Variants in GSE1 observed in about 807,000 individuals in gnomAD.
GSE1 encodes genetic suppressor element 1.
A neutral mutation model predicts 112.6 loss-of-function variants in GSE1; 32 were observed. The observed-to-expected ratio is 0.28, with a 90% confidence interval of 0.21 to 0.38. GSE1 has a LOEUF of 0.38. Among genes scored for constraint, GSE1 ranks in the 10% least tolerant of loss-of-function variants. GSE1 has a pLI of 1.00. For synonymous variants in GSE1, 1,115 were observed against 735.6 expected, an observed-to-expected ratio of 1.52 and a Z score of -8.35; for missense variants, 2,348 against 1,699.2, an observed-to-expected ratio of 1.38 and a Z score of -6.71.
At chr16:85,547,422 C>G (rs566105160) in intron 2 of GSE1, among the ~76,000 whole-genome samples, 46 of 152,368 alleles carry the variant, frequency 3.0e-4, no homozygotes, top group African/African-American at 1.1e-3. Context: ...GTGGCCATAT[C>G]ACGCCAATTT....
At chr16:85,279,899 G>A (rs1434860988) in intron 1 of GSE1, among the ~76,000 whole-genome samples, 2 of 152,190 alleles carry the variant, frequency 1.3e-5, no homozygotes, top group Admixed American at 6.5e-5. Context: ...CTCCGGCGGC[G>A]TCATTAGCCG....
rs1325946532 is a variant in GSE1, at chr16:85,673,370, C to T, written c.*831C>T. The T allele has an allele frequency of 1.3e-5, 2 of 149,296 alleles. No homozygotes were observed. Among genetic ancestry groups the T allele is most frequent in the East Asian group, 3.9e-4 (2 of 5,122 alleles). The allele number at this position is 149,296 out of a possible 1,614,324, so 9.2% of individuals were successfully genotyped here. ...AACAAAGTTTTGTATGTTTTTATTA[C>T]TTTAACTATTGTTATAAAAAGCCTG... On this transcript the variant is annotated 3_prime_UTR_variant, in exon 16 of 16. Coordinates refer to ENST00000253458, the MANE Select transcript of GSE1 (RefSeq NM_014615.5).
intron 2 of GSE1, among the ~76,000 whole-genome samples, chr16:85,374,729 T>C (rs1184358834): frequency 6.6e-6 from 1 of 152,224 alleles, no homozygotes; most frequent in Middle Eastern, 3.4e-3. Flanking sequence ...TTCGAGCTGC[T>C]GGTTTGGTGA....
chr16:85,479,017 CTCCTTCCT>C (rs1211179657), intron 2 of GSE1, among the ~76,000 whole-genome samples: 4 of 106,566 alleles, frequency 3.8e-5, no homozygotes, highest in African/African-American at 1.5e-4. Context: ...CCCTCCCTAC[CTCCTTCCT>C]TCCTTCCTTC....
intron 1 of GSE1, among the ~76,000 whole-genome samples, chr16:85,226,758 G>GGTGT (rs55999145): frequency 0.017 from 1,743 of 104,910 alleles, 33 homozygotes; most frequent in East Asian, 0.034. Flanking sequence ...TGCCTGGACT[G>GGTGT]GTGTGTGTGT....
At chr16:85,546,177 C>T (rs1303783443) in intron 2 of GSE1, among the ~76,000 whole-genome samples, 2 of 152,194 alleles carry the variant, frequency 1.3e-5, no homozygotes, top group Non-Finnish European at 1.5e-5. Context: ...TTCCGCCTCC[C>T]GGGTTCAAGC....
rs924227622 is a variant in GSE1 at position 85,193,517 on chromosome 16, T to C, written c.2283+21710T>C. On this transcript the variant is annotated intron_variant, in intron 1 of 2. Coordinates refer to the GSE1 transcript ENST00000637419. ...CCCTGTCGCCCAGGCTGAAGTGCAG[T>C]GGTGTGACCTCAGCTCACTGCAACC... Among the ~76,000 whole-genome samples, 7 of 152,218 alleles carry C rather than the reference T, an allele frequency of 4.6e-5. No homozygotes were observed. In the East Asian group the frequency reaches 1.4e-3, roughly 29 times the overall value.
chr16:85,445,274 C>T (rs2049480923), intron 2 of GSE1, among the ~76,000 whole-genome samples: 5 of 152,206 alleles, frequency 3.3e-5, no homozygotes, highest in Admixed American at 2.0e-4. Flanking sequence ...CAGGTGTGGC[C>T]GCCACTGCTG....
intron 1 of GSE1, among the ~76,000 whole-genome samples, chr16:85,289,640 G>T (rs554271591): frequency 2.0e-5 from 3 of 152,226 alleles, no homozygotes; most frequent in African/African-American, 7.2e-5. Flanking sequence ...TGGCTTAGGG[G>T]CTTAGGGTAA....
intron 1 of GSE1, among the ~76,000 whole-genome samples, chr16:85,314,172 G>T (rs1045953323): frequency 5.9e-5 from 9 of 152,168 alleles, no homozygotes; most frequent in Non-Finnish European, 1.2e-4. Context: ...CCTCCCCTGA[G>T]GCAGTGCCTC....
chr16:85,413,842 A>G (rs2048641969), intron 2 of GSE1, among the ~76,000 whole-genome samples: 1 of 152,150 alleles, frequency 6.6e-6, no homozygotes, highest in South Asian at 2.1e-4. Flanking sequence ...TGACTAGATC[A>G]TGGGGGTGGT....
intron 2 of GSE1, among the ~76,000 whole-genome samples, chr16:85,428,310 A>C (rs1410895304): frequency 1.3e-5 from 2 of 152,142 alleles, no homozygotes; most frequent in African/African-American, 2.4e-5. Context: ...GAGAGCTGTG[A>C]GGGGCAACGA....
chr16:85,340,874 G>T (rs1331805269), intron 1 of GSE1, among the ~76,000 whole-genome samples: 4 of 152,192 alleles, frequency 2.6e-5, no homozygotes, highest in African/African-American at 9.7e-5. Context: ...TCCCGGCTCT[G>T]CCCAGGCCCC....
chr16:85,645,847 A>G (rs2050811302), intron 2 of GSE1, among the ~76,000 whole-genome samples: 1 of 151,562 alleles, frequency 6.6e-6, no homozygotes, highest in African/African-American at 2.4e-5. Context: ...CTTCCTATGC[A>G]TGCATTCTAC....
At chr16:85,398,389 G>C (rs547710340) in intron 2 of GSE1, among the ~76,000 whole-genome samples, 26 of 152,276 alleles carry the variant, frequency 1.7e-4, no homozygotes, top group Admixed American at 1.6e-3. Context: ...GGAGGTGGAG[G>C]GGAAGTGTGC....
At chr16:85,294,594 G>A (rs770519934) in intron 1 of GSE1, among the ~76,000 whole-genome samples, 28 of 147,048 alleles carry the variant, frequency 1.9e-4, no homozygotes, top group Middle Eastern at 7.4e-3. Flanking sequence ...CAGCCTTCCT[G>A]GATCTTGCCA....
At chr16:85,276,415 G>A (rs1909368369) in intron 1 of GSE1, among the ~76,000 whole-genome samples, 1 of 152,234 alleles carries the variant, frequency 6.6e-6, no homozygotes, top group Admixed American at 6.5e-5. Context: ...CCAGGTCAGC[G>A]ATTTGTTCAC....
chr16:85,424,259 C>T (rs1482990453), intron 2 of GSE1, among the ~76,000 whole-genome samples: 2 of 152,270 alleles, frequency 1.3e-5, no homozygotes, highest in Admixed American at 6.5e-5. Context: ...CCCGCCCCTC[C>T]GGTGCCAGCG....
At chr16:85,386,762 C>T (rs978201113) in intron 2 of GSE1, among the ~76,000 whole-genome samples, 10 of 152,228 alleles carry the variant, frequency 6.6e-5, no homozygotes, top group Non-Finnish European at 1.0e-4. Context: ...ACAGCTCCCC[C>T]GCCATGCTGC....
Sources: gnomAD v4.1 joint callset for allele counts (sites outside exome capture counted in the v4.1 genomes callset) on GRCh38, gnomAD v4.1.1 for gene constraint, MANE v1.5 for transcripts, NCBI Gene and HGNC (gene_info 2026-07-23, HGNC 2026-07-21) for gene names.